The following KHDRBS2 variants were observed in gnomAD, a reference collection of about 807,000 sequenced individuals.
KHDRBS2 encodes KH RNA binding domain containing, signal transduction associated 2, also known as KH domain-containing, RNA-binding, signal transduction-associated protein 2.
A neutral mutation model predicts 44.3 loss-of-function variants in KHDRBS2; 26 were observed. The ratio of observed to expected loss-of-function variants is 0.59; its 90% CI spans 0.43 to 0.81. The LOEUF is 0.81. Among genes scored for constraint, KHDRBS2 ranks in the 40% least tolerant of loss-of-function variants. KHDRBS2 has a pLI of 0.00. For missense variants in KHDRBS2, 476 were observed against 433.1 expected (o/e 1.10, Z -0.88); for synonymous variants, 194 against 151.1 (o/e 1.28, Z -2.08).
the KHDRBS2 span, among the ~76,000 whole-genome samples, chr6:61,547,020 T>C: frequency 0.8 from 122,035 of 151,870 alleles, 49,473 homozygotes; most frequent in African/African-American, 0.9. Flanking sequence ...AGGACATACA[T>C]CCACACCCAC....
At chr6:62,053,923 T>C (rs1199237336) in intron 2 of KHDRBS2, among the ~76,000 whole-genome samples, 4 of 151,984 alleles carry the variant, frequency 2.6e-5, no homozygotes, top group Non-Finnish European at 5.9e-5. Context: ...AGCATATAAT[T>C]AGAGAATTTT....
At chr6:62,210,903 T>G (rs1009468154) in intron 1 of KHDRBS2, among the ~76,000 whole-genome samples, 12 of 152,166 alleles carry the variant, frequency 7.9e-5, no homozygotes, top group African/African-American at 2.9e-4. Flanking sequence ...GCTTTCTTAA[T>G]AATAGTTTAA....
the KHDRBS2 span, among the ~76,000 whole-genome samples, chr6:61,586,785 C>T: frequency 1.8e-4 from 27 of 152,022 alleles, no homozygotes; most frequent in Non-Finnish European, 2.9e-4. Context: ...ATGAGGGAGA[C>T]GGAGGGCCCT....
intron 3 of KHDRBS2, among the ~76,000 whole-genome samples, chr6:61,989,052 T>A (rs1775621647): frequency 6.6e-6 from 1 of 152,160 alleles, no homozygotes; most frequent in South Asian, 2.1e-4. Flanking sequence ...AAATACAAAT[T>A]AAAAATCAGA....
intron 7 of KHDRBS2, among the ~76,000 whole-genome samples, chr6:61,706,815 T>C (rs945543796): frequency 1.3e-5 from 2 of 151,818 alleles, no homozygotes; most frequent in African/African-American, 2.4e-5. Flanking sequence ...ACAAAATTTA[T>C]TTATAACCTA....
At chr6:61,546,649 A>T in the KHDRBS2 span, among the ~76,000 whole-genome samples, 2 of 152,168 alleles carry the variant, frequency 1.3e-5, no homozygotes, top group African/African-American at 2.4e-5. Flanking sequence ...ATAATTATTT[A>T]TCCCATGTTT....
intron 2 of KHDRBS2, among the ~76,000 whole-genome samples, chr6:62,107,528 T>G (rs1803743306): frequency 6.6e-6 from 1 of 152,232 alleles, no homozygotes; most frequent in South Asian, 2.1e-4. Flanking sequence ...CCAAAGAAAT[T>G]TATAGATTCA....
At chr6:61,633,860 A>G in the KHDRBS2 span, among the ~76,000 whole-genome samples, 1 of 152,068 alleles carries the variant, frequency 6.6e-6, no homozygotes, top group South Asian at 2.1e-4. Flanking sequence ...TATATCTTCC[A>G]GAAGTCCTCT....
chr6:62,118,650 C>T (rs1487248396), intron 2 of KHDRBS2, among the ~76,000 whole-genome samples: 8 of 152,122 alleles, frequency 5.3e-5, no homozygotes, highest in African/African-American at 1.7e-4. Flanking sequence ...TCTGGGTGGG[C>T]ACCATCTAAT....
At chr6:61,760,525 T>C (rs1779119381) in intron 6 of KHDRBS2, among the ~76,000 whole-genome samples, 1 of 151,834 alleles carries the variant, frequency 6.6e-6, no homozygotes, top group African/African-American at 2.4e-5. Flanking sequence ...CCCAGCTACT[T>C]GGGAGGCTGG....
At chr6:61,579,470 C>T in the KHDRBS2 span, among the ~76,000 whole-genome samples, 1 of 152,094 alleles carries the variant, frequency 6.6e-6, no homozygotes, top group Non-Finnish European at 1.5e-5. Context: ...TCTCTATTTA[C>T]TTTGTTTTCC....
chr6:62,120,176 A>G (rs1183444481), intron 2 of KHDRBS2, among the ~76,000 whole-genome samples: 1 of 152,174 alleles, frequency 6.6e-6, no homozygotes, highest in Non-Finnish European at 1.5e-5. Flanking sequence ...GGTTAGCTGA[A>G]ATAGGAATAA....
At chr6:62,178,075 AAC>A (rs1204523522) in intron 1 of KHDRBS2, among the ~76,000 whole-genome samples, 1 of 151,522 alleles carries the variant, frequency 6.6e-6, no homozygotes, top group Admixed American at 6.6e-5. Flanking sequence ...GTGGAAAAGG[AAC>A]AGTGAGAAAA....
chr6:61,748,332 G>A (rs1421669307), intron 6 of KHDRBS2, among the ~76,000 whole-genome samples: 1 of 151,900 alleles, frequency 6.6e-6, no homozygotes, highest in African/African-American at 2.4e-5. Context: ...CTCTGGTAAG[G>A]GTATTTATTT....
At chr6:61,797,846 T>G (rs1307300127) in intron 6 of KHDRBS2, among the ~76,000 whole-genome samples, 1 of 151,854 alleles carries the variant, frequency 6.6e-6, no homozygotes, top group Non-Finnish European at 1.5e-5. Flanking sequence ...AGAGGGGACT[T>G]CAGTCATTTT....
At chr6:61,792,386 CTTAT>C (rs945936597) in intron 6 of KHDRBS2, among the ~76,000 whole-genome samples, 3 of 151,518 alleles carry the variant, frequency 2.0e-5, no homozygotes, top group African/African-American at 7.2e-5. Flanking sequence ...TGTCAATCCT[CTTAT>C]TTATTCTTGA....
At chr6:61,617,608 T>C in the KHDRBS2 span, among the ~76,000 whole-genome samples, 1 of 151,200 alleles carries the variant, frequency 6.6e-6, no homozygotes, top group African/African-American at 2.5e-5. Flanking sequence ...TTTATTTTAT[T>C]CTGAAAGCTT....
chr6:61,638,721 G>C, the KHDRBS2 span, among the ~76,000 whole-genome samples: 78 of 152,112 alleles, frequency 5.1e-4, no homozygotes, highest in African/African-American at 1.8e-3. Flanking sequence ...CTGGTAAAGA[G>C]AGAATTTATA....
chr6:61,580,863 C>T, the KHDRBS2 span, among the ~76,000 whole-genome samples: 21 of 152,284 alleles, frequency 1.4e-4, no homozygotes, highest in African/African-American at 4.1e-4. Flanking sequence ...GGGTCCATGG[C>T]TTCCTTCTTG....
Sources: gnomAD v4.1 joint callset for allele counts (sites outside exome capture counted in the v4.1 genomes callset) on GRCh38, gnomAD v4.1.1 for gene constraint, MANE v1.5 for transcripts, NCBI Gene and HGNC (gene_info 2026-07-23, HGNC 2026-07-21) for gene names.